CFHR4: variants seen among roughly 807,000 people sequenced by gnomAD.
CFHR4 encodes the protein complement factor H-related protein 4.
CFHR4 carries 64 observed loss-of-function variants against 69.3 expected under a neutral mutation model. The observed-to-expected ratio is 0.92, with a 90% CI of 0.76 to 1.14. The LOEUF (loss-of-function observed/expected upper bound fraction) is 1.14. Among genes scored for constraint, CFHR4 ranks in the 50% most tolerant of loss-of-function variants. The pLI is 0.00. For missense variants in CFHR4, 636 were observed against 684.9 expected (o/e 0.93, Z 0.80); for synonymous variants, 244 against 237.0 (o/e 1.03, Z -0.27).
intron 2 of CFHR4, among the ~76,000 whole-genome samples, chr1:196,904,609 AAACACCATGGCTATATGGGTTT>A: frequency 6.6e-6 from 1 of 151,618 alleles, no homozygotes; most frequent in South Asian, 2.1e-4. Flanking sequence ...CATTTCTCTC[AAACACCATGGCTATATGGGTTT>A]AAGCATCCAC....
In CFHR4 at chr1:196,902,572, T is replaced by A; in HGVS notation, c.213T>A (p.Ile71=). 1.2e-6 allele frequency: 2 copies of A among 1,612,452 alleles called. No homozygotes were observed. Among genetic ancestry groups the A allele is most frequent in the Non-Finnish European group, 1.7e-6 (2 of 1,179,354 alleles). The change falls in exon 2 of 10, where the codon ATT becomes ATA. Residue 71 remains isoleucine (I), a synonymous_variant. Transcript: ENST00000608469. ...VTPSGSYWDY[I]HCTQDGWSPT... is the part of the protein sequence containing the mutation. ...CTTCAGGAAGTTACTGGGATTACAT[T>A]CATTGCACACAAGATGGTTGGTCAC... is the stretch of plus-strand genomic sequence containing the variant.
At chr1:196,913,254 T>C (rs1658381192) in intron 7 of CFHR4, among the ~76,000 whole-genome samples, 1 of 151,592 alleles carries the variant, frequency 6.6e-6, no homozygotes, top group Non-Finnish European at 1.5e-5. Context: ...TTTCTTTGTA[T>C]TTCAAAATTA....
chr1:196,899,711 G>C (rs908168918), intron 1 of CFHR4, among the ~76,000 whole-genome samples: 1 of 151,684 alleles, frequency 6.6e-6, no homozygotes, highest in Non-Finnish European at 1.5e-5. Flanking sequence ...GAAAATGCTA[G>C]ATCAGCCCAA....
chr1:196,906,173 A>G (rs1057217155), intron 3 of CFHR4, among the ~76,000 whole-genome samples: 5 of 151,598 alleles, frequency 3.3e-5, no homozygotes, highest in African/African-American at 1.2e-4. Flanking sequence ...GTAATTGAAC[A>G]TGGATGAATC....
chr1:196,907,823 CA>C (rs1352436426), intron 5 of CFHR4, among the ~76,000 whole-genome samples: 1 of 151,326 alleles, frequency 6.6e-6, no homozygotes, highest in African/African-American at 2.4e-5. Context: ...ACCATTTTCA[CA>C]TTATTAATAC....
At chr1:196,905,072 A>T (rs1203629919) in intron 2 of CFHR4, 36 bp from the exon 3 acceptor site, 1 of 1,520,688 alleles carries the variant, frequency 6.6e-7, no homozygotes, top group South Asian at 1.2e-5. Flanking sequence ...AGTATTCAAC[A>T]AATATTTACT....
rs201709230 is a variant in CFHR4, at chr1:196,914,520, G to A, written c.1206G>A (p.Glu402=). ...CIKFCDMPVF[E]NSRAKSNGMR... The stretch of plus-strand genomic sequence containing the variant: ...AATTTTGTGATATGCCTGTTTTTGA[G>A]AATTCCAGAGCCAAGAGTAATGGCA... The change falls in exon 8 of 10, where the codon GAG becomes GAA. Residue 402 remains glutamate, a synonymous_variant. Transcript: ENST00000608469. 998 of 1,602,932 alleles carry A rather than the reference G, an allele frequency of 6.2e-4. 7 individuals carry two copies. The highest frequency in any genetic ancestry group is 8.1e-4 in the Non-Finnish European group (947 of 1,176,250).
At chr1:196,891,018 AG>A (rs1301903991) in intron 1 of CFHR4, among the ~76,000 whole-genome samples, 3 of 151,524 alleles carry the variant, frequency 2.0e-5, no homozygotes, top group African/African-American at 7.3e-5. Context: ...TTGGAGGCCA[AG>A]TCGGGGAGAT....
At chr1:196,899,864 G>GT (rs1423933846) in intron 1 of CFHR4, among the ~76,000 whole-genome samples, 1 of 151,468 alleles carries the variant, frequency 6.6e-6, no homozygotes, top group South Asian at 2.1e-4. Flanking sequence ...TTTATTAAAT[G>GT]TTTTACCTGA....
chr1:196,910,491 CTT>C lies in CFHR4; in HGVS notation c.997+15_997+16del. On this transcript the variant is annotated intron_variant, in intron 6 of 9. Transcript: ENST00000608469. ...GTCCCATGCCTCAGTAAGCAAACCTCTTTACAACAATATGTGCATAAAACTTG... is the reference window on the plus strand; with the variant it reads ...GTCCCATGCCTCAGTAAGCAAACCTCTACAACAATATGTGCATAAAACTTG... The C allele has an allele frequency of 6.3e-7, 1 of 1,599,010 alleles. No individual in the cohort carries two copies. Among genetic ancestry groups the C allele is most frequent in the Non-Finnish European group, 8.6e-7 (1 of 1,168,332 alleles).
At chr1:196,910,152 A>C in intron 5 of CFHR4, 129 bp from the exon 6 acceptor site, 11 of 418,790 alleles carry the variant, frequency 2.6e-5, no homozygotes, top group African/African-American at 1.6e-4. Context: ...ATTTCATCTA[A>C]AAAAAAAAAA....
At chr1:196,897,319 C>T (rs943275105) in intron 1 of CFHR4, among the ~76,000 whole-genome samples, 2 of 151,384 alleles carry the variant, frequency 1.3e-5, no homozygotes, top group African/African-American at 4.9e-5. Context: ...CTAGGGTAGG[C>T]GTCTGTGAGT....
At chr1:196,904,706 G>C (rs966091282) in intron 2 of CFHR4, among the ~76,000 whole-genome samples, 1 of 151,484 alleles carries the variant, frequency 6.6e-6, no homozygotes, top group Non-Finnish European at 1.5e-5. Flanking sequence ...CCTTGCCTGT[G>C]GTAGCAGTGT....
intron 2 of CFHR4, 115 bp downstream of exon 2, chr1:196,902,730 T>C (rs1467202158): frequency 5.0e-6 from 4 of 796,702 alleles, no homozygotes; most frequent in Non-Finnish European, 7.8e-6. Flanking sequence ...GAAGAGTTGT[T>C]CAAGCAAAAA....
intron 1 of CFHR4, 41 bp downstream of exon 1, chr1:196,888,249 A>C: frequency 6.3e-7 from 1 of 1,592,416 alleles, no homozygotes; most frequent in Non-Finnish European, 8.6e-7. Flanking sequence ...TCCCTCTTAA[A>C]TGTAACTTCG....
At chr1:196,895,763 C>T (rs1251969286) in intron 1 of CFHR4, among the ~76,000 whole-genome samples, 1 of 151,288 alleles carries the variant, frequency 6.6e-6, no homozygotes, top group East Asian at 1.9e-4. Context: ...TTCAGGGAAA[C>T]TTTCAGTTTA....
chr1:196,906,277 T>G (rs1424283765), intron 3 of CFHR4, among the ~76,000 whole-genome samples: 1 of 151,460 alleles, frequency 6.6e-6, no homozygotes, highest in Non-Finnish European at 1.5e-5. Flanking sequence ...CTATAAAATA[T>G]CAATTCGTAC....
intron 1 of CFHR4, among the ~76,000 whole-genome samples, chr1:196,899,024 A>G (rs1009160993): frequency 6.6e-6 from 1 of 151,688 alleles, no homozygotes; most frequent in Non-Finnish European, 1.5e-5. Context: ...TTCTTCAGAA[A>G]TGAGTCACTA....
intron 1 of CFHR4, among the ~76,000 whole-genome samples, chr1:196,893,949 C>G (rs1469950435): frequency 6.6e-6 from 1 of 151,486 alleles, no homozygotes; most frequent in Non-Finnish European, 1.5e-5. Context: ...CTATGTGCTT[C>G]CATGATAACT....
Sources: allele counts gnomAD v4.1 joint callset (sites outside exome capture counted in the v4.1 genomes callset), GRCh38; gene constraint gnomAD v4.1.1; transcripts MANE v1.5; gene names NCBI Gene and HGNC (gene_info 2026-07-23, HGNC 2026-07-21).